The following WASHC2A variants were observed in gnomAD, a reference collection of about 807,000 sequenced individuals.
WASHC2A encodes WASH complex subunit 2A.
Under a neutral mutation model 140.3 loss-of-function variants are expected in WASHC2A, and 82 were observed. That is an observed-to-expected ratio of 0.58 (90% confidence interval 0.49 to 0.70). The LOEUF is 0.70. WASHC2A is among the 30% of genes least tolerant of loss of function. The pLI is 0.00. For synonymous variants in WASHC2A, 340 were observed against 560.8 expected, an observed-to-expected ratio of 0.61 and a Z score of 5.56; for missense variants, 985 against 1,521.8, an observed-to-expected ratio of 0.65 and a Z score of 5.87.
At chr10:50,072,178 G>T (rs1554876440) in intron 3 of WASHC2A, among the ~76,000 whole-genome samples, 1 of 146,846 alleles carries the variant, frequency 6.8e-6, no homozygotes, top group East Asian at 2.0e-4. Context: ...TCCGCCTCCC[G>T]GGTTCAAGCA....
chr10:50,121,404 T>G (rs1205686905), intron 23 of WASHC2A, among the ~76,000 whole-genome samples: 1 of 148,420 alleles, frequency 6.7e-6, no homozygotes, highest in Admixed American at 6.6e-5. Flanking sequence ...TCTTTTTTTT[T>G]TTTTTTGCAA....
At chr10:50,068,298 C>A in intron 2 of WASHC2A, 71 bp downstream of exon 2, 1 of 1,425,112 alleles carries the variant, frequency 7.0e-7, no homozygotes, top group Non-Finnish European at 9.3e-7. Context: ...AGGGCCGGAC[C>A]GCGACTGCCC....
rs1298626412 is a variant in WASHC2A at position 50,130,849 on chromosome 10, A to G, written c.3709-52A>G. The G allele has an allele frequency of 1.0e-5, 16 of 1,607,884 alleles. No homozygotes were observed. In the South Asian group the frequency reaches 1.7e-4, roughly 17 times the overall value. ...ATAGCTCGTTGTTGTGTTTGAGCTTAAAAAGAAAAATTGATTTAACATTAT... is the reference window on the plus strand; with the variant it reads ...ATAGCTCGTTGTTGTGTTTGAGCTTGAAAAGAAAAATTGATTTAACATTAT... On this transcript the variant is annotated intron_variant, in intron 29 of 30. Coordinates refer to ENST00000282633, the MANE Select transcript of WASHC2A (RefSeq NM_001005751.3).
chr10:50,106,053 C>T (rs1841743163), intron 18 of WASHC2A, among the ~76,000 whole-genome samples: 1 of 151,992 alleles, frequency 6.6e-6, no homozygotes, highest in South Asian at 2.1e-4. Context: ...CTGGATGGGG[C>T]TCAGTTTCTC....
At chr10:50,089,727 GCTTTTAC>G (rs1839706418) in intron 8 of WASHC2A, among the ~76,000 whole-genome samples, 3 of 152,184 alleles carry the variant, frequency 2.0e-5, no homozygotes, top group Admixed American at 2.0e-4. Context: ...AGTCGTTACA[GCTTTTAC>G]CTTTTAACTA....
intron 3 of WASHC2A, 153 bp from the exon 4 acceptor site, chr10:50,078,522 T>C (rs1454232078): frequency 1.0e-6 from 1 of 963,274 alleles, no homozygotes; most frequent in East Asian, 1.1e-4. Context: ...TGACCCACTG[T>C]TACGGACACC....
At chr10:50,132,455 TA>T (rs1844059968) in intron 30 of WASHC2A, among the ~76,000 whole-genome samples, 2 of 152,254 alleles carry the variant, frequency 1.3e-5, no homozygotes, top group Non-Finnish European at 2.9e-5. Flanking sequence ...ATTGCTCTTT[TA>T]AAACCCAGTA....
Position 50,126,090 on chromosome 10 carries a change from C to T in WASHC2A, c.2722C>T (p.His908Tyr). Residue 908 changes from histidine (H) to tyrosine (Y), a missense_variant, in exon 26 of 31, where the codon CAC becomes TAC. His to Tyr is a moderately conservative substitution (Grantham distance 83). Transcript: ENST00000282633. ...GAAAAAGAGAGTAGTGAAAAAAGAC[C>T]ACTCTGTTGACTCTTTCAAAAACCA... ...QEKKRVVKKD[H>Y]SVDSFKNQKH... is the part of the protein sequence containing the mutation. 1 of 1,613,664 alleles carries T rather than the reference C, an allele frequency of 6.2e-7. No homozygotes were observed. The highest frequency in any genetic ancestry group is 1.1e-5 in the South Asian group (1 of 91,052).
chr10:50,103,452 C>G (rs1411353228), intron 17 of WASHC2A, among the ~76,000 whole-genome samples: 76 of 152,136 alleles, frequency 5.0e-4, no homozygotes, highest in African/African-American at 1.7e-3. Flanking sequence ...CTCAGCTACT[C>G]AGGAGGCAGA....
At chr10:50,071,583 G>A (rs1289286523) in intron 3 of WASHC2A, among the ~76,000 whole-genome samples, 15 of 151,692 alleles carry the variant, frequency 9.9e-5, no homozygotes, top group African/African-American at 3.6e-4. Flanking sequence ...GGGATTACAG[G>A]CCTGAGCCAC....
At chr10:50,106,529 C>G in intron 19 of WASHC2A, 64 bp downstream of exon 19, 1 of 1,597,880 alleles carries the variant, frequency 6.3e-7, no homozygotes, top group Non-Finnish European at 8.5e-7. Context: ...TTAAAGCCAT[C>G]CCAAGTCTTT....
intron 27 of WASHC2A, 106 bp from the exon 28 acceptor site, chr10:50,127,477 C>T: frequency 1.9e-6 from 3 of 1,611,254 alleles, no homozygotes; most frequent in Non-Finnish European, 2.5e-6. Flanking sequence ...TTCTCTACTC[C>T]TCTCGTATTA....
intron 29 of WASHC2A, 151 bp downstream of exon 29, chr10:50,130,190 T>G (rs996443251): frequency 8.5e-7 from 1 of 1,183,188 alleles, no homozygotes; most frequent in African/African-American, 1.5e-5. Flanking sequence ...TATTAATAAG[T>G]TTAACATTGA....
In WASHC2A at chr10:50,097,818, G is replaced by C. The variant is rs1554885188; in HGVS notation, c.1548+16G>C. Reference sequence around the variant, plus strand: ...AGAAAAAAAGGTGAGCAGGAGGGAAGACTTAACGCAGGAGCATTGATCTGC... The same window carrying C: ...AGAAAAAAAGGTGAGCAGGAGGGAACACTTAACGCAGGAGCATTGATCTGC... On this transcript the variant is annotated intron_variant, in intron 16 of 30. Coordinates refer to ENST00000282633, the MANE Select transcript of WASHC2A (RefSeq NM_001005751.3). The C allele has an allele frequency of 6.2e-7, 1 of 1,611,020 alleles. No homozygotes were observed. Among genetic ancestry groups the C allele is most frequent in the South Asian group, 1.1e-5 (1 of 90,884 alleles).
intron 3 of WASHC2A, among the ~76,000 whole-genome samples, chr10:50,074,348 G>C (rs1467945727): frequency 7.0e-6 from 1 of 143,630 alleles, no homozygotes; most frequent in African/African-American, 2.5e-5. Flanking sequence ...CATGGGTTTA[G>C]GTTTCTTAGA....
intron 3 of WASHC2A, among the ~76,000 whole-genome samples, chr10:50,076,264 C>T (rs1387048600): frequency 1.3e-5 from 2 of 152,186 alleles, no homozygotes; most frequent in Admixed American, 6.5e-5. Flanking sequence ...GAGCCACTGC[C>T]CCCAGCACGA....
At position 50,071,921 on chromosome 10, in the gene WASHC2A, T is replaced by A. The variant is rs371641784; in HGVS notation, c.291+2210T>A. Reference sequence around the variant, plus strand: ...TTTAGCCTTAGCTTTTTTTTTTTTTTCTTCCGAGACAGAGTCTTGCTCTGT... The same window carrying A: ...TTTAGCCTTAGCTTTTTTTTTTTTTACTTCCGAGACAGAGTCTTGCTCTGT... On this transcript the variant is annotated intron_variant, in intron 3 of 30. Coordinates refer to ENST00000282633, the MANE Select transcript of WASHC2A (RefSeq NM_001005751.3). Among the ~76,000 whole-genome samples, 216 of 149,674 alleles carry A rather than the reference T, an allele frequency of 1.4e-3. 7 individuals carry two copies. In the South Asian group the frequency reaches 0.044, roughly 30 times the overall value.
intron 3 of WASHC2A, among the ~76,000 whole-genome samples, chr10:50,076,162 G>T (rs1838293037): frequency 6.6e-6 from 1 of 152,108 alleles, no homozygotes; most frequent in South Asian, 2.1e-4. Context: ...CTGACCGCAG[G>T]TGATCCCAAA....
intron 5 of WASHC2A, among the ~76,000 whole-genome samples, chr10:50,082,722 G>A (rs1839022539): frequency 4.1e-5 from 6 of 146,762 alleles, no homozygotes; most frequent in African/African-American, 1.3e-4. Context: ...CAAGTGATCC[G>A]CCCGCCTCGG....
Sources: allele counts gnomAD v4.1 joint callset (sites outside exome capture counted in the v4.1 genomes callset), GRCh38; gene constraint gnomAD v4.1.1; transcripts MANE v1.5; gene names NCBI Gene and HGNC (gene_info 2026-07-23, HGNC 2026-07-21).